LSAMP: variants seen among roughly 807,000 people sequenced by gnomAD.
LSAMP encodes the protein limbic system associated membrane protein, also known as limbic system-associated membrane protein.
In LSAMP, 7 loss-of-function variants were observed where a neutral mutation model predicts 38.6. That is an observed-to-expected ratio of 0.18 (90% CI 0.10 to 0.34). LSAMP has a LOEUF of 0.34. Ranked by LOEUF, LSAMP falls within the 10% of genes least tolerant of loss-of-function variation. The pLI is 1.00. For missense variants in LSAMP, 313 were observed against 420.0 expected (o/e 0.75, Z 2.23); for synonymous variants, 154 against 166.8 (o/e 0.92, Z 0.59).
At chr3:116,402,370 C>T (rs1228076624) in intron 1 of LSAMP, among the ~76,000 whole-genome samples, 1 of 152,080 alleles carries the variant, frequency 6.6e-6, no homozygotes, top group African/African-American at 2.4e-5. Context: ...ATAGGCCTGG[C>T]TAGGAAAGCA....
At chr3:115,987,595 T>C (rs1391121170) in intron 3 of LSAMP, among the ~76,000 whole-genome samples, 5 of 152,224 alleles carry the variant, frequency 3.3e-5, no homozygotes, top group Non-Finnish European at 7.3e-5. Context: ...TAAGTAACAC[T>C]GTTTAGGTCA....
At chr3:116,206,534 G>T (rs1266626592) in intron 1 of LSAMP, among the ~76,000 whole-genome samples, 1 of 104,440 alleles carries the variant, frequency 9.6e-6, no homozygotes, top group African/African-American at 3.0e-5. Context: ...TTCTCTTGGC[G>T]GCATTTAGTG....
At chr3:115,891,303 T>C (rs955859594) in intron 3 of LSAMP, among the ~76,000 whole-genome samples, 3 of 151,982 alleles carry the variant, frequency 2.0e-5, no homozygotes, top group Admixed American at 6.6e-5. Context: ...TGCTGGTAAA[T>C]GTGATATAAA....
intron 3 of LSAMP, among the ~76,000 whole-genome samples, chr3:115,873,646 G>C (rs757526686): frequency 3.9e-5 from 6 of 152,084 alleles, no homozygotes; most frequent in Non-Finnish European, 8.8e-5. Context: ...TGGGGAACCT[G>C]AGTTCATACC....
intron 1 of LSAMP, among the ~76,000 whole-genome samples, chr3:116,117,226 G>A (rs973757591): frequency 2.0e-5 from 3 of 152,222 alleles, no homozygotes; most frequent in Admixed American, 6.5e-5. Flanking sequence ...GAGTGTGTGG[G>A]TGGGACTCCT....
At chr3:115,828,403 C>T (rs1312687053) in intron 6 of LSAMP, among the ~76,000 whole-genome samples, 1 of 152,144 alleles carries the variant, frequency 6.6e-6, no homozygotes, top group Non-Finnish European at 1.5e-5. Flanking sequence ...GACTCTCACT[C>T]CATACAGTCT....
chr3:116,359,645 C>T (rs1227328576), intron 1 of LSAMP, among the ~76,000 whole-genome samples: 4 of 152,108 alleles, frequency 2.6e-5, no homozygotes, highest in African/African-American at 9.6e-5. Context: ...TAAGCATGTG[C>T]CATGGTGGTA....
intron 3 of LSAMP, among the ~76,000 whole-genome samples, chr3:115,865,665 T>C (rs1935837801): frequency 6.6e-6 from 1 of 152,164 alleles, no homozygotes; most frequent in African/African-American, 2.4e-5. Flanking sequence ...TTCACAGACT[T>C]ACTGAATCAG....
At chr3:116,338,735 TAA>T (rs2047953648) in intron 1 of LSAMP, among the ~76,000 whole-genome samples, 2 of 152,066 alleles carry the variant, frequency 1.3e-5, no homozygotes, top group African/African-American at 4.8e-5. Context: ...CATTCTCCTC[TAA>T]TTCTAAACCT....
chr3:116,307,080 A>G (rs993526299), intron 1 of LSAMP, among the ~76,000 whole-genome samples: 2 of 152,020 alleles, frequency 1.3e-5, no homozygotes, highest in Non-Finnish European at 2.9e-5. Flanking sequence ...AGAGATATAT[A>G]ATCGGTATGG....
chr3:116,043,925 G>C (rs1049605945), intron 2 of LSAMP, among the ~76,000 whole-genome samples: 1 of 152,210 alleles, frequency 6.6e-6, no homozygotes, highest in African/African-American at 2.4e-5. Flanking sequence ...CCGCCTGGGC[G>C]AAAGAGCGAG....
chr3:116,360,268 G>A (rs2048292485), intron 1 of LSAMP, among the ~76,000 whole-genome samples: 1 of 103,798 alleles, frequency 9.6e-6, no homozygotes, highest in East Asian at 2.9e-4. Context: ...GGAAAATCGG[G>A]TCACTCCCAC....
intron 3 of LSAMP, among the ~76,000 whole-genome samples, chr3:115,912,699 G>A (rs543201163): frequency 9.2e-5 from 14 of 152,148 alleles, no homozygotes; most frequent in Non-Finnish European, 1.9e-4. Context: ...TATTTGGCTG[G>A]TCTAGTGTGG....
intron 3 of LSAMP, among the ~76,000 whole-genome samples, chr3:115,919,736 C>T (rs942459517): frequency 5.9e-5 from 9 of 152,104 alleles, no homozygotes; most frequent in East Asian, 3.9e-4. Flanking sequence ...CTCAGCCTCC[C>T]GAGTAGCTGG....
At chr3:115,882,776 C>T (rs1050982896) in intron 3 of LSAMP, among the ~76,000 whole-genome samples, 3 of 151,826 alleles carry the variant, frequency 2.0e-5, no homozygotes, top group African/African-American at 7.3e-5. Flanking sequence ...CATCTCTCAC[C>T]CTCACCCCAT....
At chr3:116,415,661 T>C (rs1202616214) in intron 1 of LSAMP, among the ~76,000 whole-genome samples, 1 of 152,136 alleles carries the variant, frequency 6.6e-6, no homozygotes, top group African/African-American at 2.4e-5. Flanking sequence ...ACTGGCATGA[T>C]GCATTCATTT....
intron 1 of LSAMP, among the ~76,000 whole-genome samples, chr3:116,164,413 T>C (rs1709979580): frequency 1.3e-5 from 2 of 150,592 alleles, no homozygotes; most frequent in South Asian, 2.1e-4. Flanking sequence ...TTCTATTAGG[T>C]TGGTGCAAAC....
At chr3:115,885,690 A>C (rs1016203870) in intron 3 of LSAMP, among the ~76,000 whole-genome samples, 1 of 147,480 alleles carries the variant, frequency 6.8e-6, no homozygotes, top group African/African-American at 2.7e-5. Context: ...GCTTCTTATC[A>C]ATCAAGAAGC....
intron 3 of LSAMP, among the ~76,000 whole-genome samples, chr3:115,927,305 G>A (rs1323495599): frequency 6.6e-6 from 1 of 152,190 alleles, no homozygotes; most frequent in African/African-American, 2.4e-5. Context: ...GCAATGGAGT[G>A]AAACAGCCTG....
Sources: gnomAD v4.1 joint callset for allele counts (sites outside exome capture counted in the v4.1 genomes callset) on GRCh38, gnomAD v4.1.1 for gene constraint, MANE v1.5 for transcripts, NCBI Gene and HGNC (gene_info 2026-07-23, HGNC 2026-07-21) for gene names.